THSD7A: variants seen among roughly 807,000 people sequenced by gnomAD.
The protein encoded by THSD7A is thrombospondin type-1 domain-containing protein 7A.
THSD7A carries 96 observed loss-of-function variants against 231.3 expected under a neutral mutation model. That is an observed-to-expected ratio of 0.41 (90% confidence interval 0.35 to 0.49). The LOEUF (loss-of-function observed/expected upper bound fraction) is 0.49. Among genes scored for constraint, THSD7A ranks in the 20% least tolerant of loss-of-function variants. The pLI is 0.05. For synonymous variants in THSD7A, 940 were observed against 743.3 expected, an observed-to-expected ratio of 1.26 and a Z score of -4.30; for missense variants, 2,290 against 2,070.2, an observed-to-expected ratio of 1.11 and a Z score of -2.06.
intron 1 of THSD7A, among the ~76,000 whole-genome samples, chr7:11,750,362 G>A (rs1212565261): frequency 6.6e-6 from 1 of 151,878 alleles, no homozygotes; most frequent in African/African-American, 2.4e-5. Context: ...CAAGCAGAGG[G>A]TATAGTTGTC....
chr7:11,736,840 A>G (rs1781932391), intron 1 of THSD7A, among the ~76,000 whole-genome samples: 1 of 152,026 alleles, frequency 6.6e-6, no homozygotes, highest in African/African-American at 2.4e-5. Flanking sequence ...TGCAGTTCCC[A>G]CAATCCCCAC....
intron 4 of THSD7A, among the ~76,000 whole-genome samples, chr7:11,567,590 C>G (rs1309986029): frequency 1.3e-5 from 2 of 152,138 alleles, no homozygotes; most frequent in Non-Finnish European, 2.9e-5. Flanking sequence ...CTGGAATCAC[C>G]TGGAGAGGGT....
intron 6 of THSD7A, among the ~76,000 whole-genome samples, chr7:11,504,305 A>T (rs914014271): frequency 1.3e-5 from 2 of 152,126 alleles, no homozygotes; most frequent in Non-Finnish European, 2.9e-5. Context: ...ACTGGCGTCC[A>T]CTTGATGGGA....
At chr7:11,396,489 G>A (rs1289394086) in intron 23 of THSD7A, among the ~76,000 whole-genome samples, 2 of 152,156 alleles carry the variant, frequency 1.3e-5, no homozygotes, top group Non-Finnish European at 2.9e-5. Flanking sequence ...ACCACTATCA[G>A]AGCATACTAT....
intron 8 of THSD7A, among the ~76,000 whole-genome samples, chr7:11,473,279 C>A (rs1434361051): frequency 4.6e-5 from 7 of 152,074 alleles, no homozygotes; most frequent in Non-Finnish European, 1.0e-4. Flanking sequence ...TTTCTTGGAA[C>A]ACTAAGGAGT....
chr7:11,740,103 C>T (rs1212276051), intron 1 of THSD7A, among the ~76,000 whole-genome samples: 1 of 151,954 alleles, frequency 6.6e-6, no homozygotes, highest in Non-Finnish European at 1.5e-5. Flanking sequence ...AACTCTCCTA[C>T]AACTCCAGAT....
chr7:11,773,600 C>T (rs978299926), intron 1 of THSD7A, among the ~76,000 whole-genome samples: 35 of 151,988 alleles, frequency 2.3e-4, no homozygotes, highest in African/African-American at 8.0e-4. Flanking sequence ...TGAGAAATGA[C>T]CCAAAGGGAA....
At chr7:11,584,574 A>T (rs1020006300) in intron 4 of THSD7A, among the ~76,000 whole-genome samples, 1 of 152,168 alleles carries the variant, frequency 6.6e-6, no homozygotes, top group African/African-American at 2.4e-5. Flanking sequence ...ATCTTCAGGC[A>T]AATAAAGTTA....
chr7:11,487,971 G>C (rs1011580093), intron 6 of THSD7A, among the ~76,000 whole-genome samples: 1 of 152,050 alleles, frequency 6.6e-6, no homozygotes, highest in Non-Finnish European at 1.5e-5. Context: ...TTTTATGGTT[G>C]ATTTTAACAG....
chr7:11,794,652 T>C (rs1469121347), intron 1 of THSD7A, among the ~76,000 whole-genome samples: 2 of 151,990 alleles, frequency 1.3e-5, no homozygotes, highest in African/African-American at 2.4e-5. Flanking sequence ...AGCTTTAATA[T>C]CATCGCCTAA....
chr7:11,796,033 C>CATATATATATAT (rs6149988), intron 1 of THSD7A, among the ~76,000 whole-genome samples: 7 of 107,494 alleles, frequency 6.5e-5, no homozygotes, highest in Non-Finnish European at 1.4e-4. Context: ...TTAAATTAGC[C>CATATATATATAT]ATATATATAT....
At chr7:11,501,340 C>T (rs1457327712) in intron 6 of THSD7A, among the ~76,000 whole-genome samples, 2 of 152,180 alleles carry the variant, frequency 1.3e-5, no homozygotes, top group African/African-American at 2.4e-5. Context: ...CTTCTCATTG[C>T]CACATGGCAC....
chr7:11,537,148 C>T (rs567276065), intron 6 of THSD7A, among the ~76,000 whole-genome samples: 1 of 152,150 alleles, frequency 6.6e-6, no homozygotes, highest in Non-Finnish European at 1.5e-5. Flanking sequence ...ATGACAAGAA[C>T]TACTTGGGAA....
intron 2 of THSD7A, among the ~76,000 whole-genome samples, chr7:11,630,590 A>T (rs1345230173): frequency 6.6e-6 from 1 of 152,174 alleles, no homozygotes; most frequent in Non-Finnish European, 1.5e-5. Context: ...GGCTTAGCCA[A>T]CAGAAATCTG....
chr7:11,731,235 A>G (rs1300998066), intron 1 of THSD7A, among the ~76,000 whole-genome samples: 1 of 151,004 alleles, frequency 6.6e-6, no homozygotes, highest in African/African-American at 2.4e-5. Context: ...TGATTATTTT[A>G]CTCTTTATTT....
At chr7:11,405,255 T>C (rs1221845988) in intron 22 of THSD7A, among the ~76,000 whole-genome samples, 1 of 151,848 alleles carries the variant, frequency 6.6e-6, no homozygotes, top group African/African-American at 2.4e-5. Flanking sequence ...CATTTACAAA[T>C]TTTTGTTGAT....
At chr7:11,386,324 C>G (rs558393503) in intron 23 of THSD7A, among the ~76,000 whole-genome samples, 3 of 152,270 alleles carry the variant, frequency 2.0e-5, no homozygotes, top group African/African-American at 7.2e-5. Context: ...CTAATTGATA[C>G]TTCCACCAAC....
At chr7:11,808,362 G>C (rs546280648) in intron 1 of THSD7A, among the ~76,000 whole-genome samples, 1 of 152,060 alleles carries the variant, frequency 6.6e-6, no homozygotes, top group Non-Finnish European at 1.5e-5. Context: ...ACCGTGTGAG[G>C]ACACAGCATC....
intron 4 of THSD7A, among the ~76,000 whole-genome samples, chr7:11,543,958 A>C (rs966004211): frequency 2.6e-5 from 4 of 152,190 alleles, no homozygotes; most frequent in Non-Finnish European, 5.9e-5. Context: ...GAGGAAGAGA[A>C]TCAAGTTTAG....
Sources: allele counts gnomAD v4.1 joint callset (sites outside exome capture counted in the v4.1 genomes callset), GRCh38; gene constraint gnomAD v4.1.1; transcripts MANE v1.5; gene names NCBI Gene and HGNC (gene_info 2026-07-23, HGNC 2026-07-21).